The following DLG2 variants were observed in gnomAD, a reference collection of about 807,000 sequenced individuals.
DLG2 encodes discs large MAGUK scaffold protein 2.
DLG2 carries 45 observed loss-of-function variants against 132.5 expected under a neutral mutation model. That is an observed-to-expected ratio of 0.34 (90% CI 0.27 to 0.44). The LOEUF (loss-of-function observed/expected upper bound fraction) is 0.44, where lower values mean the gene tolerates loss of function less well. Ranked by LOEUF, DLG2 falls within the 20% of genes least tolerant of loss-of-function variation. The pLI, the probability that DLG2 is intolerant of heterozygous loss-of-function variation, is 1.00. For missense variants in DLG2, 1,045 were observed against 1,196.9 expected, an observed-to-expected ratio of 0.87 and a Z score of 1.87; for synonymous variants, 424 against 419.6, an observed-to-expected ratio of 1.01 and a Z score of -0.13.
chr11:85,589,286 C>T (rs1173939730), intron 3 of DLG2, among the ~76,000 whole-genome samples: 1 of 152,116 alleles, frequency 6.6e-6, no homozygotes, highest in African/African-American at 2.4e-5. Context: ...GCTGCAACGT[C>T]CTGAGTTGGT....
chr11:84,544,530 G>C (rs2099385690), intron 6 of DLG2, among the ~76,000 whole-genome samples: 2 of 152,142 alleles, frequency 1.3e-5, no homozygotes, highest in Non-Finnish European at 2.9e-5. Flanking sequence ...AACCAAAATA[G>C]TCCTCTGATT....
intron 8 of DLG2, among the ~76,000 whole-genome samples, chr11:84,244,973 T>G (rs1335436668): frequency 6.6e-6 from 1 of 152,218 alleles, no homozygotes; most frequent in African/African-American, 2.4e-5. Flanking sequence ...AATGTCTAAA[T>G]GTACAGACCT....
At chr11:84,126,472 G>A (rs560608796) in intron 9 of DLG2, among the ~76,000 whole-genome samples, 63 of 152,042 alleles carry the variant, frequency 4.1e-4, no homozygotes, top group Non-Finnish European at 7.2e-4. Context: ...TTAACTACTT[G>A]TATGCATTGG....
intron 8 of DLG2, among the ~76,000 whole-genome samples, chr11:84,216,587 G>T (rs1426912753): frequency 6.6e-6 from 1 of 152,106 alleles, no homozygotes; most frequent in African/African-American, 2.4e-5. Flanking sequence ...TAAAGAATAA[G>T]CTTGTCCAAC....
intron 18 of DLG2, among the ~76,000 whole-genome samples, chr11:83,695,564 C>T (rs956628010): frequency 2.6e-5 from 4 of 152,038 alleles, no homozygotes; most frequent in African/African-American, 7.2e-5. Flanking sequence ...GATGTTGAAA[C>T]CCTGTCTCTA....
intron 18 of DLG2, chr11:83,682,088 A>G (rs1016069944): frequency 1.0e-6 from 1 of 976,156 alleles, no homozygotes; most frequent in Non-Finnish European, 1.2e-6. Context: ...GCAAGTGCCT[A>G]TTCCAAACTA....
chr11:85,482,490 T>C (rs1222872367), intron 3 of DLG2, among the ~76,000 whole-genome samples: 1 of 152,114 alleles, frequency 6.6e-6, no homozygotes, highest in Non-Finnish European at 1.5e-5. Flanking sequence ...GAACCCAGGC[T>C]CTAGGACCAC....
At chr11:83,809,386 G>A (rs2046704280) in intron 17 of DLG2, among the ~76,000 whole-genome samples, 1 of 152,120 alleles carries the variant, frequency 6.6e-6, no homozygotes, top group South Asian at 2.1e-4. Flanking sequence ...CTAAGTCAAG[G>A]ACAAGCCTCA....
chr11:84,513,886 C>CAA (rs1406641388), intron 7 of DLG2, among the ~76,000 whole-genome samples: 2 of 151,482 alleles, frequency 1.3e-5, no homozygotes, highest in Non-Finnish European at 2.9e-5. Context: ...AGGAAACAAT[C>CAA]AAAAAAGTGA....
intron 4 of DLG2, among the ~76,000 whole-genome samples, chr11:85,240,627 T>C (rs1314058541): frequency 6.6e-6 from 1 of 151,816 alleles, no homozygotes; most frequent in African/African-American, 2.4e-5. Context: ...CCTTTATTTT[T>C]CTGTATGTGT....
intron 6 of DLG2, among the ~76,000 whole-genome samples, chr11:84,907,857 G>A (rs193276264): frequency 3.5e-4 from 53 of 152,210 alleles, no homozygotes; most frequent in African/African-American, 1.1e-3. Context: ...TAGCCTTCTG[G>A]GCAAGTCACT....
At chr11:84,619,047 G>A (rs574510006) in intron 6 of DLG2, among the ~76,000 whole-genome samples, 1 of 151,880 alleles carries the variant, frequency 6.6e-6, no homozygotes, top group Non-Finnish European at 1.5e-5. Context: ...CTTACCTAAT[G>A]AATATAATTA....
chr11:83,622,742 A>G (rs902958539), intron 19 of DLG2, among the ~76,000 whole-genome samples: 1 of 152,142 alleles, frequency 6.6e-6, no homozygotes, highest in Non-Finnish European at 1.5e-5. Context: ...AGTAATTACT[A>G]TTTTTATTCC....
At chr11:84,234,385 A>C (rs534481520) in intron 8 of DLG2, among the ~76,000 whole-genome samples, 1 of 152,238 alleles carries the variant, frequency 6.6e-6, no homozygotes, top group South Asian at 2.1e-4. Flanking sequence ...CTTTCTTCTG[A>C]GAAGGCAAGA....
At chr11:85,454,886 T>C (rs2092369677) in intron 3 of DLG2, among the ~76,000 whole-genome samples, 2 of 152,200 alleles carry the variant, frequency 1.3e-5, no homozygotes, top group African/African-American at 2.4e-5. Flanking sequence ...TTCATTGGTC[T>C]ATGTGTCTGT....
At chr11:83,946,238 T>C (rs544170034) in intron 14 of DLG2, among the ~76,000 whole-genome samples, 32 of 152,282 alleles carry the variant, frequency 2.1e-4, no homozygotes, top group African/African-American at 6.7e-4. Flanking sequence ...TCTACCCGCC[T>C]TGGACTCCCA....
At chr11:85,187,932 G>A (rs2080242462) in intron 4 of DLG2, among the ~76,000 whole-genome samples, 1 of 152,126 alleles carries the variant, frequency 6.6e-6, no homozygotes, top group Non-Finnish European at 1.5e-5. Context: ...TCAACAGGAA[G>A]ATCCACGAAA....
At chr11:83,722,720 C>A (rs1187907806) in intron 18 of DLG2, among the ~76,000 whole-genome samples, 4 of 152,110 alleles carry the variant, frequency 2.6e-5, no homozygotes, top group Admixed American at 1.3e-4. Context: ...CCACCTTCAG[C>A]CAACTTAGGT....
chr11:84,066,885 GTAT>G (rs2096682173), intron 10 of DLG2, among the ~76,000 whole-genome samples: 1 of 152,136 alleles, frequency 6.6e-6, no homozygotes, highest in Non-Finnish European at 1.5e-5. Flanking sequence ...TCTATCAGTA[GTAT>G]TCTCTTTCTT....
Sources: allele counts gnomAD v4.1 joint callset (sites outside exome capture counted in the v4.1 genomes callset), GRCh38; gene constraint gnomAD v4.1.1; transcripts MANE v1.5; gene names NCBI Gene and HGNC (gene_info 2026-07-23, HGNC 2026-07-21).